OR5H15: variants seen among roughly 807,000 people sequenced by gnomAD.
OR5H15 encodes olfactory receptor 5H15.
For missense variants in OR5H15, 405 were observed against 366.1 expected (o/e 1.11, Z -0.87); for synonymous variants, 153 against 129.1 (o/e 1.19, Z -1.26).
intron 1 of OR5H15, among the ~76,000 whole-genome samples, chr3:98,167,270 G>A (rs1708732709): frequency 6.6e-6 from 1 of 151,990 alleles, no homozygotes; most frequent in South Asian, 2.1e-4. Flanking sequence ...TCAATAATTT[G>A]ACAGCTCACA....
rs538839424 is a variant in OR5H15 at position 98,169,718 on chromosome 3, C to T, written c.*77C>T. 97 of 1,092,278 alleles carry T rather than the reference C, an allele frequency of 8.9e-5. 1 individual carries two copies. Among genetic ancestry groups the T allele is most frequent in the African/African-American group, 6.1e-4 (39 of 64,392 alleles). 67.7% of individuals were successfully genotyped at this position (1,092,278 alleles called of 1,614,324 possible). On this transcript the variant is annotated 3_prime_UTR_variant, in exon 2 of 2. Coordinates refer to ENST00000641450, the MANE Select transcript of OR5H15 (RefSeq NM_001005515.2). The stretch of plus-strand genomic sequence containing the variant: ...ACCTATGTTGTTTCCAGTGTTCAAA[C>T]ATTTTTGCAAGTATAACTGTCCTAG...
chr3:98,167,960 A>G (rs950374261), intron 1 of OR5H15, among the ~76,000 whole-genome samples: 2 of 152,020 alleles, frequency 1.3e-5, no homozygotes, highest in Non-Finnish European at 2.9e-5. Context: ...TTGTTTTACC[A>G]TCTCTTCCAA....
chr3:98,168,588 G>C, intron 1 of OR5H15, 94 bp from the exon 2 acceptor site: 1 of 1,390,806 alleles, frequency 7.2e-7, no homozygotes, highest in Non-Finnish European at 9.8e-7. Context: ...AGAGGGTTCT[G>C]ATCATTTTAG....
intron 1 of OR5H15, among the ~76,000 whole-genome samples, chr3:98,167,883 A>G (rs1308547382): frequency 3.3e-5 from 5 of 152,012 alleles, no homozygotes; most frequent in African/African-American, 9.7e-5. Flanking sequence ...CTGACCACTT[A>G]CTTCCTACAA....
intron 1 of OR5H15, among the ~76,000 whole-genome samples, chr3:98,168,149 C>G (rs1406655857): frequency 6.6e-6 from 1 of 151,974 alleles, no homozygotes; most frequent in Admixed American, 6.6e-5. Flanking sequence ...TTTGGGATTG[C>G]CTGGACCTTA....
Position 98,169,390 on chromosome 3 carries a change from G to A in OR5H15, c.691G>A (p.Asp231Asn), listed in dbSNP as rs267599955. 1 of 1,613,374 alleles carries A rather than the reference G, an allele frequency of 6.2e-7. No homozygotes were observed. Among genetic ancestry groups the A allele is most frequent in the Non-Finnish European group, 8.5e-7 (1 of 1,179,598 alleles). ...CTTCACAGTCTTAGAAAAGAAATCTGATAAGGGTGTAAGGAAAGCCTTTTC... is the reference window on the plus strand; with the variant it reads ...CTTCACAGTCTTAGAAAAGAAATCTAATAAGGGTGTAAGGAAAGCCTTTTC... ...VLFTVLEKKSDKGVRKAFSTC... is the reference protein window; with the variant it reads ...VLFTVLEKKSNKGVRKAFSTC... The change falls in exon 2 of 2, where the codon GAT (aspartate) becomes AAT (asparagine). Residue 231 changes from aspartate to asparagine, a missense_variant. Physicochemically the swap from Asp to Asn is conservative, Grantham distance 23 (BLOSUM62 1). Transcript: ENST00000641450.
chr3:98,169,248 A>G lies in OR5H15; in HGVS notation c.549A>G (p.Pro183=), dbSNP rs779484663. The G allele has an allele frequency of 7.4e-6, 12 of 1,611,092 alleles. No individual in the cohort carries two copies. The highest frequency in any genetic ancestry group is 2.2e-5 in the South Asian group (2 of 90,986). The change falls in exon 2 of 2, where the codon CCA becomes CCG. Residue 183 remains proline (P), a synonymous_variant. Coordinates refer to ENST00000641450, the MANE Select transcript of OR5H15 (RefSeq NM_001005515.2). ...ATCACATTTACTGTGACACTATCCC[A>G]TTGTCTAAGATTTCTTGTACTGATT... is the stretch of plus-strand genomic sequence containing the variant. The part of the protein sequence containing the change: ...IVHHIYCDTI[P]LSKISCTDSS...
intron 1 of OR5H15, 40 bp from the exon 2 acceptor site, chr3:98,168,642 A>T: frequency 1.3e-6 from 2 of 1,586,472 alleles, no homozygotes; most frequent in South Asian, 2.3e-5. Flanking sequence ...TCATAATGTC[A>T]TTGCAAATCT....
chr3:98,169,457 GC>G lies in OR5H15; in HGVS notation c.763del (p.Leu255PhefsTer3), dbSNP rs764763968. 6.2e-7 allele frequency: 1 copy of G among 1,613,200 alleles called. No individual in the cohort carries two copies. Among genetic ancestry groups the G allele is most frequent in the Non-Finnish European group, 8.5e-7 (1 of 1,179,670 alleles). On this transcript the variant is annotated frameshift_variant, in exon 2 of 2. Transcript: ENST00000641450. LOFTEE classifies it low-confidence loss of function (END_TRUNC). ...AHLFSVCLYY[G>X]PLLLMYVGPA... is the part of the protein sequence containing the mutation. ...CTCTTCTCTGTCTGTTTATACTATG[GC>G]CCCCTTCTCTTAATGTATGTGGGCC...
chr3:98,168,781 T>G lies in OR5H15; in HGVS notation c.82T>G (p.Phe28Val). ...TCAACCACAGTGGAAAATACCCCTG[T>G]TCTTGGCATTCTTGGTAATATATCT... Reference protein sequence around the residue: ...LYQPQWKIPLFLAFLVIYLIT... With the variant: ...LYQPQWKIPLVLAFLVIYLIT... The change falls in exon 2 of 2, where the codon TTC (phenylalanine) becomes GTC (valine). Residue 28 changes from phenylalanine to valine, a missense_variant. Physicochemically the swap from Phe to Val is conservative, Grantham distance 50. Coordinates refer to ENST00000641450, the MANE Select transcript of OR5H15 (RefSeq NM_001005515.2). 1 of 1,613,556 alleles carries G rather than the reference T, an allele frequency of 6.2e-7. No individual in the cohort carries two copies. Among genetic ancestry groups the G allele is most frequent in the East Asian group, 2.2e-5 (1 of 44,846 alleles).
At chr3:98,167,777 C>A (rs1708740824) in intron 1 of OR5H15, among the ~76,000 whole-genome samples, 1 of 151,948 alleles carries the variant, frequency 6.6e-6, no homozygotes, top group Non-Finnish European at 1.5e-5. Flanking sequence ...ACCTAGTTGT[C>A]CAGATGATGC....
At position 98,169,499 on chromosome 3, in the gene OR5H15, C is replaced by A; in HGVS notation, c.800C>A (p.Ala267Glu). 6.2e-7 allele frequency: 1 copy of A among 1,613,500 alleles called. No homozygotes were observed. The highest frequency in any genetic ancestry group is 1.7e-4 in the Middle Eastern group (1 of 6,058). Residue 267 changes from alanine to glutamate, a missense_variant, in exon 2 of 2, where the codon GCA (alanine) becomes GAA (glutamate). Ala to Glu is a moderately radical substitution (Grantham distance 107, BLOSUM62 -1). Transcript: ENST00000641450. ...TATGTGGGCCCTGCATCTCCGCAAG[C>A]AGATGGTCAAAATATGGTGGAGCCT... ...LMYVGPASPQ[A>E]DGQNMVEPLF...
rs773039701 is a variant in OR5H15, at chr3:98,169,069, G to C, written c.370G>C (p.Val124Leu). 6.2e-7 allele frequency: 1 copy of C among 1,613,584 alleles called. No individual in the cohort carries two copies. The highest frequency in any genetic ancestry group is 8.5e-7 in the Non-Finnish European group (1 of 1,179,648). ...GGCAACAATGGCATATGATCGCTAT[G>C]TAGCCATATGCAAACCTTTACTTTA... The part of the protein sequence containing the change: ...LLATMAYDRY[V>L]AICKPLLYPA... Residue 124 changes from valine (V) to leucine (L), a missense_variant, in exon 2 of 2, where the codon GTA becomes CTA. Transcript: ENST00000641450.
intron 1 of OR5H15, among the ~76,000 whole-genome samples, chr3:98,167,545 G>T (rs1708737210): frequency 6.6e-6 from 1 of 151,792 alleles, no homozygotes; most frequent in Non-Finnish European, 1.5e-5. Flanking sequence ...CCAAGACTTG[G>T]ATGGCAAAAA....
Position 98,169,498 on chromosome 3 carries a change from G to T in OR5H15, c.799G>T (p.Ala267Ser), listed in dbSNP as rs1298554471. 1.9e-6 allele frequency: 3 copies of T among 1,613,476 alleles called. No homozygotes were observed. The highest frequency in any genetic ancestry group is 2.5e-6 in the Non-Finnish European group (3 of 1,179,634). ...LMYVGPASPQ[A>S]DGQNMVEPLF... ...GTATGTGGGCCCTGCATCTCCGCAAGCAGATGGTCAAAATATGGTGGAGCC... is the reference window on the plus strand; with the variant it reads ...GTATGTGGGCCCTGCATCTCCGCAATCAGATGGTCAAAATATGGTGGAGCC... Residue 267 changes from alanine (A) to serine (S), a missense_variant, in exon 2 of 2, where the codon GCA becomes TCA. By Grantham distance (99) the Ala-to-Ser change is moderately conservative. Transcript: ENST00000641450.
In OR5H15 at chr3:98,169,096, C is replaced by T. The variant is rs1708765850; in HGVS notation, c.397C>T (p.Pro133Ser). 6.2e-7 allele frequency: 1 copy of T among 1,613,580 alleles called. No homozygotes were observed. Among genetic ancestry groups the T allele is most frequent in the Non-Finnish European group, 8.5e-7 (1 of 1,179,634 alleles). The change falls in exon 2 of 2, where the codon CCA (proline) becomes TCA (serine). Residue 133 changes from proline (P) to serine (S), a missense_variant. Physicochemically the swap from Pro to Ser is moderately conservative, Grantham distance 74. Coordinates refer to ENST00000641450, the MANE Select transcript of OR5H15 (RefSeq NM_001005515.2). ...AGCCATATGCAAACCTTTACTTTATCCAGCCATTATGACCAATGGACTGTG... is the reference window on the plus strand; with the variant it reads ...AGCCATATGCAAACCTTTACTTTATTCAGCCATTATGACCAATGGACTGTG... ...YVAICKPLLY[P>S]AIMTNGLCIR...
intron 1 of OR5H15, among the ~76,000 whole-genome samples, chr3:98,167,886 T>C (rs372267130): frequency 6.6e-6 from 1 of 152,028 alleles, no homozygotes; most frequent in Non-Finnish European, 1.5e-5. Flanking sequence ...ACCACTTACT[T>C]CCTACAAAAT....
chr3:98,169,406 A>C lies in OR5H15; in HGVS notation c.707A>C (p.Lys236Thr). 1 of 1,613,596 alleles carries C rather than the reference A, an allele frequency of 6.2e-7. No individual in the cohort carries two copies. Among genetic ancestry groups the C allele is most frequent in the Non-Finnish European group, 8.5e-7 (1 of 1,179,700 alleles). The change falls in exon 2 of 2, where the codon AAA becomes ACA. Residue 236 changes from lysine to threonine, a missense_variant. Transcript: ENST00000641450. ...LEKKSDKGVR[K>T]AFSTCGAHLF... is the part of the protein sequence containing the mutation. Reference sequence around the variant, plus strand: ...AAGAAATCTGATAAGGGTGTAAGGAAAGCCTTTTCCACCTGTGGAGCCCAT... The same window carrying C: ...AAGAAATCTGATAAGGGTGTAAGGACAGCCTTTTCCACCTGTGGAGCCCAT...
chr3:98,167,692 GC>G (rs1459942663), intron 1 of OR5H15, among the ~76,000 whole-genome samples: 1 of 151,780 alleles, frequency 6.6e-6, no homozygotes, highest in Admixed American at 6.6e-5. Context: ...TTTTAACTAT[GC>G]CTTTGACTAC....
Sources: allele counts gnomAD v4.1 joint callset (sites outside exome capture counted in the v4.1 genomes callset), GRCh38; gene constraint gnomAD v4.1.1; transcripts MANE v1.5; gene names NCBI Gene and HGNC (gene_info 2026-07-23, HGNC 2026-07-21).